The following ROBO1 variants were observed in gnomAD, a reference collection of about 807,000 sequenced individuals.
The protein encoded by ROBO1 is roundabout homolog 1.
Under a neutral mutation model 195.9 loss-of-function variants are expected in ROBO1, and 149 were observed. The observed-to-expected ratio is 0.76, with a 90% CI of 0.67 to 0.87. ROBO1 has a LOEUF of 0.87. Among genes scored for constraint, ROBO1 ranks in the 40% least tolerant of loss-of-function variants. The pLI is 0.00. For synonymous variants in ROBO1, 816 were observed against 733.2 expected (o/e 1.11, Z -1.82); for missense variants, 1,933 against 2,068.3 (o/e 0.93, Z 1.27).
intron 1 of ROBO1, among the ~76,000 whole-genome samples, chr3:79,665,085 T>C (rs529709374): frequency 6.6e-6 from 1 of 152,102 alleles, no homozygotes; most frequent in African/African-American, 2.4e-5. Flanking sequence ...TCTTTAGAGA[T>C]ATAATTTAAA....
At chr3:79,720,958 A>T (rs906252352) in intron 1 of ROBO1, among the ~76,000 whole-genome samples, 9 of 151,932 alleles carry the variant, frequency 5.9e-5, no homozygotes, top group Non-Finnish European at 1.3e-4. Context: ...GTGCCCGGCT[A>T]ATTTTTTGTA....
intron 1 of ROBO1, among the ~76,000 whole-genome samples, chr3:79,616,105 C>T (rs1944811601): frequency 6.6e-6 from 1 of 152,142 alleles, no homozygotes; most frequent in South Asian, 2.1e-4. Context: ...TGAGCCCAGG[C>T]ACTACTTTTG....
At position 78,750,498 on chromosome 3, in the gene ROBO1, TA is replaced by T. The variant is rs771756875; in HGVS notation, c.500-3599del. On this transcript the variant is annotated intron_variant, in intron 4 of 30. Transcript: ENST00000464233. ...ATAAATAAATAAATAAATAAATAAATAAAATAAAATAAAAAAGTTCACTAAT... is the reference window on the plus strand; with the variant it reads ...ATAAATAAATAAATAAATAAATAAATAAATAAAATAAAAAAGTTCACTAAT... Among the ~76,000 whole-genome samples the T allele has an allele frequency of 2.5e-3, 321 of 129,892 alleles. 2 individuals carry two copies. Among genetic ancestry groups the T allele is most frequent in the East Asian group, 9.7e-3 (41 of 4,228 alleles). The allele number at this position is 129,892 out of a possible 152,430, so 85.2% of individuals were successfully genotyped here. A position where few individuals can be genotyped will look rare whatever the true frequency, so the allele number is the denominator to read the frequency against.
At chr3:78,930,554 AT>A (rs909883182) in intron 4 of ROBO1, among the ~76,000 whole-genome samples, 1 of 152,240 alleles carries the variant, frequency 6.6e-6, no homozygotes, top group African/African-American at 2.4e-5. Context: ...GCTATAAGCC[AT>A]TTTGAGCTAA....
intron 2 of ROBO1, among the ~76,000 whole-genome samples, chr3:79,215,664 C>A (rs576101533): frequency 6.6e-6 from 1 of 152,202 alleles, no homozygotes; most frequent in Non-Finnish European, 1.5e-5. Context: ...TATTTGCATA[C>A]ATAGAAATTA....
At position 79,267,545 on chromosome 3, in the gene ROBO1, CTCTT is replaced by C. The variant is rs540973020; in HGVS notation, c.89-142010_89-142007del. Reference sequence around the variant, plus strand: ...TGGGAATCTTGTGTTTTAAATCTATCTCTTTTTTTTTTTTTGTCACTTCACTATT... The same window carrying C: ...TGGGAATCTTGTGTTTTAAATCTATCTTTTTTTTTTTGTCACTTCACTATT... On this transcript the variant is annotated intron_variant, in intron 2 of 30. Transcript: ENST00000464233. Among the ~76,000 whole-genome samples the C allele has an allele frequency of 1.2e-4, 18 of 149,344 alleles. No homozygotes were observed. The South Asian group carries it at 3.8e-3, about 31-fold the overall frequency.
chr3:79,504,954 A>G (rs1298614452), intron 2 of ROBO1, among the ~76,000 whole-genome samples: 1 of 152,106 alleles, frequency 6.6e-6, no homozygotes, highest in Non-Finnish European at 1.5e-5. Context: ...GCAAATAGTT[A>G]TATGATTGTA....
chr3:78,725,530 C>G (rs1241852290), intron 5 of ROBO1, among the ~76,000 whole-genome samples: 1 of 152,082 alleles, frequency 6.6e-6, no homozygotes. Flanking sequence ...ATCCTGCCTT[C>G]ATCTCCTTTA....
chr3:79,672,688 T>C (rs556936262), intron 1 of ROBO1, among the ~76,000 whole-genome samples: 53 of 152,056 alleles, frequency 3.5e-4, no homozygotes, highest in African/African-American at 1.1e-3. Flanking sequence ...TTTCAACCAG[T>C]ATGCAAACCT....
intron 3 of ROBO1, among the ~76,000 whole-genome samples, chr3:79,082,721 T>G (rs2079296711): frequency 6.6e-6 from 1 of 152,032 alleles, no homozygotes; most frequent in Non-Finnish European, 1.5e-5. Flanking sequence ...TACCCTCAAA[T>G]CTCTCCCCAA....
At chr3:79,222,053 T>C (rs1472261354) in intron 2 of ROBO1, among the ~76,000 whole-genome samples, 1 of 152,076 alleles carries the variant, frequency 6.6e-6, no homozygotes, top group Non-Finnish European at 1.5e-5. Context: ...GAGTTTGAGC[T>C]TCCACTGAGC....
Position 79,247,129 on chromosome 3 carries a change from G to GTTTTTTT in ROBO1, c.89-121597_89-121591dup, listed in dbSNP as rs575917340. 4.4e-3 allele frequency among the ~76,000 whole-genome samples: 599 copies of GTTTTTTT among 134,784 alleles called. 11 individuals are homozygous for GTTTTTTT. Among genetic ancestry groups the GTTTTTTT allele is most frequent in the African/African-American group, 0.016 (571 of 36,140 alleles). The allele number at this position is 134,784 out of a possible 152,430, so 88.4% of individuals were successfully genotyped here. On this transcript the variant is annotated intron_variant, in intron 2 of 30. Coordinates refer to ENST00000464233, the MANE Select transcript of ROBO1 (RefSeq NM_002941.4). ...AAAAGCATTAAGGCTCCTGTTTACT[G>GTTTTTTT]TTTTTTTTTTTTTGTAAGAAGTATA...
chr3:79,109,944 AT>A (rs1453101393), intron 3 of ROBO1, among the ~76,000 whole-genome samples: 2 of 152,178 alleles, frequency 1.3e-5, no homozygotes, highest in East Asian at 1.9e-4. Context: ...TTGAAAGCTT[AT>A]ACATGCTGAC....
chr3:79,343,832 G>T (rs1267221406), intron 2 of ROBO1, among the ~76,000 whole-genome samples: 1 of 152,104 alleles, frequency 6.6e-6, no homozygotes, highest in East Asian at 1.9e-4. Flanking sequence ...AATTAAAAAG[G>T]AGAGGAGGGT....
At chr3:78,803,064 C>G (rs553383345) in intron 4 of ROBO1, among the ~76,000 whole-genome samples, 90 of 152,258 alleles carry the variant, frequency 5.9e-4, no homozygotes, top group African/African-American at 2.1e-3. Context: ...AATCATCTAA[C>G]TCCAATGGGA....
chr3:79,266,338 G>GA (rs2029942130), intron 2 of ROBO1, among the ~76,000 whole-genome samples: 1 of 151,558 alleles, frequency 6.6e-6, no homozygotes, highest in Non-Finnish European at 1.5e-5. Flanking sequence ...CAGCAAAATG[G>GA]AAAGTAATGC....
intron 4 of ROBO1, among the ~76,000 whole-genome samples, chr3:78,917,853 T>G (rs945557283): frequency 2.0e-5 from 3 of 152,042 alleles, no homozygotes; most frequent in Non-Finnish European, 4.4e-5. Flanking sequence ...AAATGAGTGG[T>G]TTTTTTTCCA....
At chr3:78,894,099 T>G (rs2037088225) in intron 4 of ROBO1, among the ~76,000 whole-genome samples, 3 of 152,120 alleles carry the variant, frequency 2.0e-5, no homozygotes, top group African/African-American at 7.2e-5. Flanking sequence ...TAGTTTTTCT[T>G]AAAAAGCCAA....
At chr3:78,726,447 T>C (rs1408244468) in intron 5 of ROBO1, among the ~76,000 whole-genome samples, 3 of 152,182 alleles carry the variant, frequency 2.0e-5, no homozygotes. Flanking sequence ...AATGAAGTTG[T>C]CTAAAGCACC....
Sources: gnomAD v4.1 joint callset for allele counts (sites outside exome capture counted in the v4.1 genomes callset) on GRCh38, gnomAD v4.1.1 for gene constraint, MANE v1.5 for transcripts, NCBI Gene and HGNC (gene_info 2026-07-23, HGNC 2026-07-21) for gene names.